Variants in ADAM28 observed in about 807,000 individuals in gnomAD.
ADAM28 encodes disintegrin and metalloproteinase domain-containing protein 28.
In ADAM28, 105 loss-of-function variants were observed where a neutral mutation model predicts 101.2. The observed-to-expected ratio is 1.04, with a 90% CI of 0.89 to 1.22. ADAM28 has a LOEUF of 1.22. ADAM28 is among the 50% of genes most tolerant of loss of function. The pLI is 0.00. For missense variants in ADAM28, 1,028 were observed against 945.4 expected (o/e 1.09, Z -1.15); for synonymous variants, 322 against 310.6 (o/e 1.04, Z -0.39).
At chr8:24,345,056 A>C (rs1031170491) in intron 18 of ADAM28, among the ~76,000 whole-genome samples, 1 of 150,046 alleles carries the variant, frequency 6.7e-6, no homozygotes, top group Non-Finnish European at 1.5e-5. Context: ...GGCCAGACTG[A>C]TTTCTGTTGA....
intron 6 of ADAM28, among the ~76,000 whole-genome samples, chr8:24,314,557 A>G (rs1191406403): frequency 6.6e-6 from 1 of 152,132 alleles, no homozygotes; most frequent in South Asian, 2.1e-4. Flanking sequence ...AGCAAAGGGT[A>G]TAATTGGTCT....
rs1436437855 is a variant in ADAM28, at chr8:24,356,667, C to T, written c.*2263C>T. On this transcript the variant is annotated 3_prime_UTR_variant, in exon 23 of 23. Coordinates refer to ENST00000265769, the MANE Select transcript of ADAM28 (RefSeq NM_014265.6). ...CACACTTACTTATATCCGTAACTTTCTAACTTTAAGGGAATTCCGCTTATT... is the reference window on the plus strand; with the variant it reads ...CACACTTACTTATATCCGTAACTTTTTAACTTTAAGGGAATTCCGCTTATT... The T allele has an allele frequency of 6.6e-6, 1 of 152,142 alleles. No homozygotes were observed. Among genetic ancestry groups the T allele is most frequent in the African/African-American group, 2.4e-5 (1 of 41,440 alleles). The allele number at this position is 152,142 out of a possible 1,614,324, so 9.4% of individuals were successfully genotyped here.
At chr8:24,344,192 G>A (rs904437590) in intron 18 of ADAM28, among the ~76,000 whole-genome samples, 1 of 152,198 alleles carries the variant, frequency 6.6e-6, no homozygotes, top group African/African-American at 2.4e-5. Flanking sequence ...CTGCCTATAG[G>A]TCTTCAGGGT....
chr8:24,321,141 A>G (rs956378946), intron 7 of ADAM28, 77 bp from the exon 8 acceptor site: 2 of 806,240 alleles, frequency 2.5e-6, no homozygotes, highest in Non-Finnish European at 4.2e-6. Context: ...AAGTAATATA[A>G]GAGAAGATGC....
At chr8:24,303,961 T>C (rs888754267) in intron 2 of ADAM28, among the ~76,000 whole-genome samples, 4 of 151,922 alleles carry the variant, frequency 2.6e-5, no homozygotes. Flanking sequence ...TTGTGGAAAT[T>C]TACACTAATT....
chr8:24,300,053 A>C lies in ADAM28; in HGVS notation c.126A>C (p.Arg42Ser). 1 of 1,613,740 alleles carries C rather than the reference A, an allele frequency of 6.2e-7. No homozygotes were observed. The highest frequency in any genetic ancestry group is 8.5e-7 in the Non-Finnish European group (1 of 1,179,976). ...TAAGACTTCATCCACTGCATAAAAGAGAGGCCAAAGAGCCAGAGCAACAGG... is the reference window on the plus strand; with the variant it reads ...TAAGACTTCATCCACTGCATAAAAGCGAGGCCAAAGAGCCAGAGCAACAGG... ...YPIRLHPLHK[R>S]EAKEPEQQEQ... is the part of the protein sequence containing the mutation. Residue 42 changes from arginine (R) to serine (S), a missense_variant, in exon 2 of 23, where the codon AGA (arginine) becomes AGC (serine). Arg to Ser is a moderately radical substitution (Grantham distance 110). Coordinates refer to ENST00000265769, the MANE Select transcript of ADAM28 (RefSeq NM_014265.6).
At chr8:24,340,107 A>G (rs1160408167) in intron 15 of ADAM28, among the ~76,000 whole-genome samples, 2 of 152,226 alleles carry the variant, frequency 1.3e-5, no homozygotes, top group East Asian at 1.9e-4. Context: ...GGAAAACACT[A>G]TAGAACAGCA....
chr8:24,321,317 T>G, intron 8 of ADAM28, 28 bp downstream of exon 8: 1 of 1,531,362 alleles, frequency 6.5e-7, no homozygotes. Context: ...ACCTGCAGTT[T>G]TAAACAGTTT....
chr8:24,329,925 A>G, intron 10 of ADAM28, 60 bp from the exon 11 acceptor site: 1 of 1,544,390 alleles, frequency 6.5e-7, no homozygotes, highest in Non-Finnish European at 8.8e-7. Context: ...GATGGCAAGT[A>G]GAGTGATGTA....
chr8:24,329,237 C>G, intron 10 of ADAM28, among the ~76,000 whole-genome samples: 1 of 152,110 alleles, frequency 6.6e-6, no homozygotes, highest in East Asian at 1.9e-4. Flanking sequence ...TCCTTGTTTG[C>G]CACTCTTGTA....
chr8:24,338,871 T>C (rs183910083), intron 14 of ADAM28, among the ~76,000 whole-genome samples: 2 of 152,162 alleles, frequency 1.3e-5, no homozygotes, highest in African/African-American at 2.4e-5. Context: ...TTGTCAACCA[T>C]GTACTGCTGA....
chr8:24,301,878 T>C (rs1476024354), intron 2 of ADAM28, among the ~76,000 whole-genome samples: 1 of 152,226 alleles, frequency 6.6e-6, no homozygotes, highest in African/African-American at 2.4e-5. Flanking sequence ...TTGTATCGTT[T>C]ACTGTTAAAA....
intron 19 of ADAM28, among the ~76,000 whole-genome samples, chr8:24,350,911 TATTTACTC>T (rs1816037471): frequency 1.3e-5 from 2 of 151,682 alleles, no homozygotes; most frequent in Admixed American, 6.6e-5. Context: ...AAGAAAGACT[TATTTACTC>T]ATGATGAGTT....
chr8:24,321,660 T>G (rs545591684), intron 8 of ADAM28, among the ~76,000 whole-genome samples: 53 of 152,076 alleles, frequency 3.5e-4, no homozygotes, highest in African/African-American at 1.2e-3. Context: ...AGTAGCATAT[T>G]TCATAAAATC....
In ADAM28 at chr8:24,315,844, C is replaced by T. The variant is rs538734589; in HGVS notation, c.576+2264C>T. Among the ~76,000 whole-genome samples the T allele has an allele frequency of 2.6e-5, 4 of 152,050 alleles. No homozygotes were observed. In the South Asian group the frequency reaches 8.3e-4, roughly 31 times the overall value. ...ATGGGACTTATCCTTGGTATACTGA[C>T]TTAACCTACACAAATTGATCAATGT... On this transcript the variant is annotated intron_variant, in intron 6 of 22. Coordinates refer to ENST00000265769, the MANE Select transcript of ADAM28 (RefSeq NM_014265.6).
In ADAM28 at chr8:24,354,580, A is replaced by G. The variant is rs1395808646; in HGVS notation, c.*176A>G. 3 of 589,500 alleles carry G rather than the reference A, an allele frequency of 5.1e-6. No homozygotes were observed. In the East Asian group the frequency reaches 1.0e-4, roughly 20 times the overall value. The allele number at this position is 589,500 out of a possible 1,614,324, so 36.5% of individuals were successfully genotyped here. Reference sequence around the variant, plus strand: ...ACTAAAGAAAATTTTCAAGAGGAACATATGCCTGAGAACCTTTGCATGAAT... The same window carrying G: ...ACTAAAGAAAATTTTCAAGAGGAACGTATGCCTGAGAACCTTTGCATGAAT... On this transcript the variant is annotated 3_prime_UTR_variant, in exon 23 of 23. Coordinates refer to ENST00000265769, the MANE Select transcript of ADAM28 (RefSeq NM_014265.6).
intron 15 of ADAM28, 146 bp from the exon 16 acceptor site, chr8:24,341,452 C>A: frequency 1.2e-6 from 1 of 804,576 alleles, no homozygotes; most frequent in Non-Finnish European, 2.0e-6. Context: ...CATCCTATTA[C>A]TGAGAAATAA....
chr8:24,325,972 A>T (rs188613276), intron 9 of ADAM28, among the ~76,000 whole-genome samples: 9 of 151,446 alleles, frequency 5.9e-5, no homozygotes, highest in Admixed American at 5.9e-4. Flanking sequence ...AAGGAACCAA[A>T]AAAGCAAAAT....
chr8:24,335,503 A>C lies in ADAM28; in HGVS notation c.1429A>C (p.Met477Leu). 6.2e-7 allele frequency: 1 copy of C among 1,614,160 alleles called. No homozygotes were observed. Among genetic ancestry groups the C allele is most frequent in the Non-Finnish European group, 8.5e-7 (1 of 1,180,012 alleles). Residue 477 changes from methionine (M) to leucine (L), a missense_variant, in exon 14 of 23, where the codon ATG becomes CTG. By Grantham distance (15) the Met-to-Leu change is conservative (BLOSUM62 2). Coordinates refer to ENST00000265769, the MANE Select transcript of ADAM28 (RefSeq NM_014265.6). ...PAKDECDLPE[M>L]CNGKSGNCPD... Reference sequence around the variant, plus strand: ...AAAAGATGAGTGCGACCTGCCTGAAATGTGTAATGGTAAATCTGGTAATTG... The same window carrying C: ...AAAAGATGAGTGCGACCTGCCTGAACTGTGTAATGGTAAATCTGGTAATTG...
Sources: gnomAD v4.1 joint callset for allele counts (sites outside exome capture counted in the v4.1 genomes callset) on GRCh38, gnomAD v4.1.1 for gene constraint, MANE v1.5 for transcripts, NCBI Gene and HGNC (gene_info 2026-07-23, HGNC 2026-07-21) for gene names.